Variants in TFEC observed in about 807,000 individuals in gnomAD.
The protein encoded by TFEC is class E basic helix-loop-helix protein 34.
A neutral mutation model predicts 41.6 loss-of-function variants in TFEC; 31 were observed. The observed-to-expected ratio is 0.74, with a 90% CI of 0.56 to 1.01. The LOEUF is 1.01. Ranked by LOEUF, TFEC falls within the 50% of genes least tolerant of loss-of-function variation. The pLI is 0.00. For missense variants in TFEC, 402 were observed against 404.1 expected, an observed-to-expected ratio of 0.99 and a Z score of 0.04; for synonymous variants, 143 against 140.6, an observed-to-expected ratio of 1.02 and a Z score of -0.12.
chr7:116,122,836 C>G (rs1208867278), intron 1 of TFEC, among the ~76,000 whole-genome samples: 2 of 152,040 alleles, frequency 1.3e-5, no homozygotes, highest in African/African-American at 4.8e-5. Context: ...TTGTGGCCAA[C>G]ACTGGTGTTA....
chr7:115,940,356 T>G lies in TFEC; in HGVS notation c.*195A>C, dbSNP rs961476826. 24 of 560,836 alleles carry G rather than the reference T, an allele frequency of 4.3e-5. No homozygotes were observed. The African/African-American group carries it at 4.6e-4, about 11-fold the overall frequency. 34.7% of individuals were successfully genotyped at this position (560,836 alleles called of 1,614,324 possible). A position where few individuals can be genotyped will look rare whatever the true frequency, so the allele number is the denominator to read the frequency against. On this transcript the variant is annotated 3_prime_UTR_variant, in exon 8 of 8. Transcript: ENST00000265440. ...GTAGTCAAAGAAGAAAACACCTTTT[T>G]TTCGCCCTCAATAATTCATTAACAC...
chr7:116,120,504 C>T (rs996191950), intron 1 of TFEC: 1 of 151,956 alleles, frequency 6.6e-6, no homozygotes. Flanking sequence ...ATTTTAATAA[C>T]ATCCCCAGAT....
At chr7:116,133,132 C>T (rs560203878) in intron 1 of TFEC, among the ~76,000 whole-genome samples, 2 of 152,286 alleles carry the variant, frequency 1.3e-5, no homozygotes, top group South Asian at 2.1e-4. Flanking sequence ...TGTCAATTTT[C>T]AAAAGTTACA....
chr7:115,948,501 T>G lies in TFEC; in HGVS notation c.515+2373A>C, dbSNP rs529960158. Among the ~76,000 whole-genome samples, 808 of 152,262 alleles carry G rather than the reference T, an allele frequency of 5.3e-3. 8 individuals are homozygous for G. The highest frequency in any genetic ancestry group is 0.018 in the African/African-American group (764 of 41,550). ...AGCACATCAAAAAGCGTATCCACCA[T>G]GATCAAGTGGGCTTCATCCCTGGGA... On this transcript the variant is annotated intron_variant, in intron 6 of 7. Transcript: ENST00000265440.
intron 1 of TFEC, among the ~76,000 whole-genome samples, chr7:115,985,186 A>T (rs1034030120): frequency 1.3e-5 from 2 of 152,128 alleles, no homozygotes; most frequent in Admixed American, 1.3e-4. Flanking sequence ...TTCAGAAAAA[A>T]ATCTAACGAT....
intron 1 of TFEC, among the ~76,000 whole-genome samples, chr7:116,014,294 T>C (rs1795110189): frequency 6.6e-6 from 1 of 152,104 alleles, no homozygotes; most frequent in African/African-American, 2.4e-5. Context: ...ATATAAAATG[T>C]TGGAAAGAAC....
chr7:115,978,987 A>C (rs912519916), intron 2 of TFEC, among the ~76,000 whole-genome samples: 2 of 152,134 alleles, frequency 1.3e-5, no homozygotes, highest in African/African-American at 4.8e-5. Context: ...GACAACCTCA[A>C]ATCTCTTCCT....
At chr7:116,145,242 G>T (rs1025618819) in intron 1 of TFEC, among the ~76,000 whole-genome samples, 4 of 151,928 alleles carry the variant, frequency 2.6e-5, no homozygotes, top group Non-Finnish European at 5.9e-5. Flanking sequence ...CCCAAATGAT[G>T]GTCACCTTAC....
At chr7:115,976,571 G>A (rs1474385597) in intron 2 of TFEC, among the ~76,000 whole-genome samples, 6 of 152,156 alleles carry the variant, frequency 3.9e-5, no homozygotes, top group African/African-American at 9.6e-5. Flanking sequence ...CTTTAAAGAA[G>A]CTAGGTTAAT....
At chr7:115,990,195 A>G (rs964149910) in intron 1 of TFEC, among the ~76,000 whole-genome samples, 1 of 152,220 alleles carries the variant, frequency 6.6e-6, no homozygotes, top group Non-Finnish European at 1.5e-5. Context: ...TAACAAAGAG[A>G]AAGGACATCC....
At chr7:115,945,718 T>C (rs12706060) in intron 6 of TFEC, among the ~76,000 whole-genome samples, 21,520 of 151,722 alleles carry the variant, frequency 0.14, 2,151 homozygotes, top group Non-Finnish European at 0.21. Flanking sequence ...TTTCTGAGAT[T>C]CATAAGGAAG....
At chr7:116,018,930 A>C (rs1795292721) in intron 1 of TFEC, among the ~76,000 whole-genome samples, 1 of 152,216 alleles carries the variant, frequency 6.6e-6, no homozygotes, top group African/African-American at 2.4e-5. Flanking sequence ...GATAGGCTGC[A>C]CTGGTCATGG....
At chr7:116,103,292 A>G (rs1001733749) in intron 3 of TFEC, among the ~76,000 whole-genome samples, 8 of 152,208 alleles carry the variant, frequency 5.3e-5, no homozygotes, top group Non-Finnish European at 7.3e-5. Context: ...CAGAAAGTGG[A>G]AAGTTCGTTT....
At chr7:116,037,667 C>T (rs1005949811) in intron 3 of TFEC, among the ~76,000 whole-genome samples, 1 of 151,898 alleles carries the variant, frequency 6.6e-6, no homozygotes, top group Non-Finnish European at 1.5e-5. Flanking sequence ...CAAATTTGGC[C>T]TTGGCTTCCA....
intron 1 of TFEC, among the ~76,000 whole-genome samples, chr7:115,995,749 C>G (rs771457241): frequency 6.6e-6 from 1 of 152,090 alleles, no homozygotes; most frequent in Non-Finnish European, 1.5e-5. Context: ...TGACACGGCT[C>G]GGAGAGAGTA....
At chr7:116,087,715 C>A (rs1797232919) in intron 3 of TFEC, among the ~76,000 whole-genome samples, 1 of 151,994 alleles carries the variant, frequency 6.6e-6, no homozygotes, top group Non-Finnish European at 1.5e-5. Flanking sequence ...AATTTAAATT[C>A]TTTCCCAATA....
intron 1 of TFEC, among the ~76,000 whole-genome samples, chr7:116,023,955 C>A (rs746787529): frequency 1.3e-5 from 2 of 152,084 alleles, no homozygotes; most frequent in Admixed American, 6.6e-5. Context: ...AATTAATTCC[C>A]TTTTTTAGTG....
intron 1 of TFEC, among the ~76,000 whole-genome samples, chr7:116,012,801 A>C (rs547190298): frequency 6.8e-6 from 1 of 146,576 alleles, no homozygotes; most frequent in Non-Finnish European, 1.5e-5. Flanking sequence ...CATAAGAATA[A>C]AAGGATTATA....
At chr7:115,957,853 G>T (rs1410591059) in intron 3 of TFEC, among the ~76,000 whole-genome samples, 18 of 151,720 alleles carry the variant, frequency 1.2e-4, no homozygotes, top group Admixed American at 1.2e-3. Context: ...GATAAAATCA[G>T]ACAGGAAGTA....
Sources: allele counts gnomAD v4.1 joint callset (sites outside exome capture counted in the v4.1 genomes callset), GRCh38; gene constraint gnomAD v4.1.1; transcripts MANE v1.5; gene names NCBI Gene and HGNC (gene_info 2026-07-23, HGNC 2026-07-21).